The following AGTPBP1 variants were observed in gnomAD, a reference collection of about 807,000 sequenced individuals.
The protein encoded by AGTPBP1 is ATP/GTP binding carboxypeptidase 1, also known as cytosolic carboxypeptidase 1.
AGTPBP1 carries 70 observed loss-of-function variants against 143.9 expected under a neutral mutation model. That is an observed-to-expected ratio of 0.49 (90% CI 0.40 to 0.59). The LOEUF (loss-of-function observed/expected upper bound fraction) is 0.59, where lower values mean the gene tolerates loss of function less well. Ranked by LOEUF, AGTPBP1 falls within the 20% of genes least tolerant of loss-of-function variation. AGTPBP1 has a pLI of 0.00. For missense variants in AGTPBP1, 1,229 were observed against 1,464.5 expected (o/e 0.84, Z 2.62); for synonymous variants, 463 against 500.2 (o/e 0.93, Z 0.99).
intron 25 of AGTPBP1, among the ~76,000 whole-genome samples, chr9:85,554,665 C>T (rs181857128): frequency 1.4e-3 from 209 of 152,272 alleles, no homozygotes; most frequent in African/African-American, 4.8e-3. Context: ...GGGAAGATAT[C>T]TAGAGCCTCT....
At chr9:85,763,815 G>A in the AGTPBP1 span, among the ~76,000 whole-genome samples, 1 of 151,832 alleles carries the variant, frequency 6.6e-6, no homozygotes, top group Non-Finnish European at 1.5e-5. Flanking sequence ...TTGGGGGAGG[G>A]GAATGCTTTT....
At chr9:85,732,012 A>G (rs1168065036) in intron 1 of AGTPBP1, among the ~76,000 whole-genome samples, 3 of 152,200 alleles carry the variant, frequency 2.0e-5, no homozygotes, top group Non-Finnish European at 4.4e-5. Flanking sequence ...TAAATGAGGT[A>G]GGTTTGAAGA....
At chr9:85,637,847 G>T (rs1417437716) in intron 13 of AGTPBP1, among the ~76,000 whole-genome samples, 1 of 152,146 alleles carries the variant, frequency 6.6e-6, no homozygotes, top group Non-Finnish European at 1.5e-5. Flanking sequence ...CTAATTTTAA[G>T]AATGTTTACA....
chr9:85,710,967 C>A (rs1035640750), intron 2 of AGTPBP1, among the ~76,000 whole-genome samples: 2 of 152,028 alleles, frequency 1.3e-5, no homozygotes, highest in African/African-American at 4.8e-5. Flanking sequence ...TGACTAAAAT[C>A]AAATTTGGTA....
At chr9:85,768,318 A>G in the AGTPBP1 span, among the ~76,000 whole-genome samples, 1 of 152,220 alleles carries the variant, frequency 6.6e-6, no homozygotes, top group Non-Finnish European at 1.5e-5. Flanking sequence ...TAGTCACAGT[A>G]TAAATTCAAA....
chr9:85,610,864 A>T lies in AGTPBP1; in HGVS notation c.2335+8119T>A, dbSNP rs547943323. On this transcript the variant is annotated intron_variant, in intron 17 of 25. Coordinates refer to ENST00000357081, the MANE Select transcript of AGTPBP1 (RefSeq NM_001330701.2). ...CCAAAATATTGGTCCCTTTCTTTTA[A>T]TTCTGTTAATGTTAAGACAAACCAA... Among the ~76,000 whole-genome samples, 14 of 152,292 alleles carry T rather than the reference A, an allele frequency of 9.2e-5. No homozygotes were observed. The South Asian group carries it at 2.9e-3, about 32-fold the overall frequency.
chr9:85,649,374 G>T (rs1324967658), intron 11 of AGTPBP1, among the ~76,000 whole-genome samples: 2 of 151,994 alleles, frequency 1.3e-5, no homozygotes, highest in African/African-American at 2.4e-5. Flanking sequence ...TGTGTTTTTT[G>T]TTGATACACA....
intron 15 of AGTPBP1, among the ~76,000 whole-genome samples, chr9:85,619,638 T>A (rs911955352): frequency 3.3e-5 from 5 of 152,202 alleles, no homozygotes; most frequent in African/African-American, 1.2e-4. Context: ...ATAATTCTCA[T>A]AAACGATGCA....
At chr9:85,749,943 G>A in the AGTPBP1 span, among the ~76,000 whole-genome samples, 7 of 150,412 alleles carry the variant, frequency 4.7e-5, no homozygotes, top group South Asian at 8.3e-4. Context: ...GTGCAGTGGC[G>A]TGATCTCATC....
At chr9:85,638,603 T>C (rs1478949988) in intron 13 of AGTPBP1, among the ~76,000 whole-genome samples, 4 of 151,942 alleles carry the variant, frequency 2.6e-5, no homozygotes, top group Admixed American at 6.6e-5. Flanking sequence ...GTTTAAAAAA[T>C]ACACATCGAA....
chr9:85,678,283 T>C (rs1345001177), intron 5 of AGTPBP1, 52 bp downstream of exon 5: 3 of 1,255,400 alleles, frequency 2.4e-6, no homozygotes, highest in East Asian at 4.8e-5. Context: ...ATACGATACA[T>C]TGTTGATCAC....
intron 11 of AGTPBP1, among the ~76,000 whole-genome samples, chr9:85,652,351 A>T (rs1225144666): frequency 6.6e-6 from 1 of 152,132 alleles, no homozygotes; most frequent in Non-Finnish European, 1.5e-5. Context: ...TCTACTAAAA[A>T]ATACATAAAA....
intron 12 of AGTPBP1, 22 bp downstream of exon 12, chr9:85,646,298 TA>T (rs1469384906): frequency 6.4e-7 from 1 of 1,561,146 alleles, no homozygotes; most frequent in Admixed American, 1.7e-5. Context: ...TAAAGCTAAC[TA>T]ATTACAGAAA....
intron 8 of AGTPBP1, among the ~76,000 whole-genome samples, chr9:85,662,860 T>A (rs1465731499): frequency 6.6e-6 from 1 of 151,482 alleles, no homozygotes; most frequent in Non-Finnish European, 1.5e-5. Context: ...AGAAACCGGA[T>A]GTACCCTCTC....
intron 1 of AGTPBP1, among the ~76,000 whole-genome samples, chr9:85,735,576 T>A (rs577742117): frequency 6.6e-6 from 1 of 152,040 alleles, no homozygotes; most frequent in Non-Finnish European, 1.5e-5. Flanking sequence ...AAAATAAATA[T>A]TTTTTTAAAG....
In AGTPBP1 at chr9:85,606,631, A is replaced by G. The variant is rs530847200; in HGVS notation, c.2336-10182T>C. 5.3e-4 allele frequency among the ~76,000 whole-genome samples: 81 copies of G among 152,258 alleles called. No individual in the cohort carries two copies. The South Asian group carries it at 8.3e-3, about 16-fold the overall frequency. ...CCATGTTTATTGTAGCACTATTCAC[A>G]ATAGCAAAGATATGAATCAACCTCA... On this transcript the variant is annotated intron_variant, in intron 17 of 25. Coordinates refer to ENST00000357081, the MANE Select transcript of AGTPBP1 (RefSeq NM_001330701.2).
At chr9:85,564,267 T>C (rs1210121507) in intron 25 of AGTPBP1, among the ~76,000 whole-genome samples, 1 of 152,268 alleles carries the variant, frequency 6.6e-6, no homozygotes, top group Non-Finnish European at 1.5e-5. Flanking sequence ...AAGATCATTT[T>C]CAAGCCTTCA....
At chr9:85,628,720 TTC>T (rs1024885106) in intron 14 of AGTPBP1, among the ~76,000 whole-genome samples, 17 of 152,110 alleles carry the variant, frequency 1.1e-4, no homozygotes, top group African/African-American at 4.1e-4. Context: ...TTTTGTTTGT[TTC>T]TTTGTTTTTG....
intron 1 of AGTPBP1, among the ~76,000 whole-genome samples, chr9:85,728,788 A>C (rs1587992693): frequency 6.6e-6 from 1 of 151,934 alleles, no homozygotes; most frequent in Non-Finnish European, 1.5e-5. Context: ...AAAAAAAAAA[A>C]GTTGGCTTAT....
Sources: allele counts gnomAD v4.1 joint callset (sites outside exome capture counted in the v4.1 genomes callset), GRCh38; gene constraint gnomAD v4.1.1; transcripts MANE v1.5; gene names NCBI Gene and HGNC (gene_info 2026-07-23, HGNC 2026-07-21).